Variants in RPH3A observed in about 807,000 individuals in gnomAD.
RPH3A encodes rabphilin 3A, also known as rabphilin-3A.
In RPH3A, 48 loss-of-function variants were observed where a neutral mutation model predicts 102.2. That is an observed-to-expected ratio of 0.47 (90% CI 0.37 to 0.60). The LOEUF (loss-of-function observed/expected upper bound fraction) is 0.60, where lower values mean the gene tolerates loss of function less well. Ranked by LOEUF, RPH3A falls within the 20% of genes least tolerant of loss-of-function variation. The probability of loss-of-function intolerance (pLI) is 0.00; values close to 1 mark genes in which losing one functional copy is unlikely to be tolerated. For synonymous variants in RPH3A, 310 were observed against 324.3 expected (o/e 0.96, Z 0.47); for missense variants, 781 against 910.1 (o/e 0.86, Z 1.83).
In RPH3A at chr12:112,887,766, T is replaced by C; in HGVS notation, c.1437-31T>C. ...GTGGTGTCTTAATATTTGTTCCTGT[T>C]TCTCTCTCTACCCCCTTGTGTTGGT... On this transcript the variant is annotated intron_variant, in intron 16 of 21. Transcript: ENST00000389385. The C allele has an allele frequency of 1.9e-6, 3 of 1,607,992 alleles. 1 individual carries two copies. The South Asian group carries it at 3.3e-5, about 18-fold the overall frequency.
intron 1 of RPH3A, among the ~76,000 whole-genome samples, chr12:112,640,447 C>CT (rs1486705733): frequency 6.6e-6 from 1 of 150,706 alleles, no homozygotes; most frequent in South Asian, 2.1e-4. Flanking sequence ...ATTAATGATC[C>CT]CTCCTTTCAC....
At chr12:112,862,702 G>A (rs957589789) in intron 5 of RPH3A, among the ~76,000 whole-genome samples, 2 of 152,218 alleles carry the variant, frequency 1.3e-5, no homozygotes, top group Non-Finnish European at 2.9e-5. Flanking sequence ...CACAGCGGAG[G>A]CTCCAGAGCC....
chr12:112,895,745 C>A, intron 20 of RPH3A, 32 bp from the exon 21 acceptor site: 1 of 1,513,956 alleles, frequency 6.6e-7, no homozygotes, highest in Non-Finnish European at 9.2e-7. Flanking sequence ...TCAGAGGGCT[C>A]TTACCCACAT....
intron 1 of RPH3A, among the ~76,000 whole-genome samples, chr12:112,615,342 C>A (rs1387393647): frequency 2.6e-5 from 4 of 152,174 alleles, no homozygotes; most frequent in African/African-American, 9.7e-5. Context: ...GCACCACCTC[C>A]TTGGGGCCTC....
At chr12:112,702,189 T>G (rs1235858477) in intron 1 of RPH3A, among the ~76,000 whole-genome samples, 1 of 152,252 alleles carries the variant, frequency 6.6e-6, no homozygotes, top group Admixed American at 6.5e-5. Flanking sequence ...AGACATAAAC[T>G]ACATGAAGAC....
upstream of RPH3A, chr12:112,791,695 T>A (rs539655014): frequency 7.3e-5 from 11 of 151,586 alleles, no homozygotes; most frequent in African/African-American, 2.4e-4. Flanking sequence ...GCAGGCTTGG[T>A]TCCCGCTTGG....
chr12:112,869,640 A>C, intron 8 of RPH3A, 119 bp from the exon 9 acceptor site: 2 of 1,004,788 alleles, frequency 2.0e-6, no homozygotes, highest in Non-Finnish European at 3.0e-6. Flanking sequence ...AAAGACTTTT[A>C]ATTTTTAAAA....
intron 1 of RPH3A, among the ~76,000 whole-genome samples, chr12:112,671,239 A>G (rs2040127173): frequency 6.6e-6 from 1 of 152,206 alleles, no homozygotes; most frequent in South Asian, 2.1e-4. Context: ...ACCCAAAATG[A>G]GATAAAAGAT....
At chr12:112,600,330 A>T (rs1206924883) in intron 1 of RPH3A, among the ~76,000 whole-genome samples, 2 of 152,168 alleles carry the variant, frequency 1.3e-5, no homozygotes, top group Non-Finnish European at 2.9e-5. Flanking sequence ...CTGACTTAAA[A>T]ATGGTTCATT....
intron 1 of RPH3A, among the ~76,000 whole-genome samples, chr12:112,609,823 C>A (rs1210783315): frequency 6.6e-6 from 1 of 152,200 alleles, no homozygotes; most frequent in Admixed American, 6.5e-5. Context: ...AAAATCAACC[C>A]CAGCACAAGT....
At chr12:112,651,819 A>G (rs548679698) in intron 1 of RPH3A, 3 of 152,348 alleles carry the variant, frequency 2.0e-5, no homozygotes, top group Admixed American at 6.5e-5. Flanking sequence ...CCTCTTCTAC[A>G]TACCTCATGT....
intron 1 of RPH3A, among the ~76,000 whole-genome samples, chr12:112,677,447 T>C (rs963061193): frequency 8.5e-6 from 1 of 117,222 alleles, no homozygotes. Flanking sequence ...CCTTCCTTCC[T>C]TCCTTCCTTC....
intron 1 of RPH3A, among the ~76,000 whole-genome samples, chr12:112,642,461 C>T (rs1182473352): frequency 6.6e-6 from 1 of 152,190 alleles, no homozygotes; most frequent in African/African-American, 2.4e-5. Context: ...TTTGGAGACA[C>T]ACTTACACTA....
At chr12:112,858,655 G>A (rs1320089122) in intron 5 of RPH3A, among the ~76,000 whole-genome samples, 1 of 152,188 alleles carries the variant, frequency 6.6e-6, no homozygotes, top group East Asian at 1.9e-4. Flanking sequence ...AGCTCCATGA[G>A]GGCAGTGATC....
At chr12:112,896,603 G>T (rs752179245) in intron 21 of RPH3A, 47 bp from the exon 22 acceptor site, 2 of 1,608,472 alleles carry the variant, frequency 1.2e-6, no homozygotes, top group Admixed American at 1.7e-5. Flanking sequence ...GGTCTAGAAC[G>T]ACCTCTATTC....
At chr12:112,774,153 G>A (rs1269689681) in intron 1 of RPH3A, among the ~76,000 whole-genome samples, 1 of 151,374 alleles carries the variant, frequency 6.6e-6, no homozygotes. Flanking sequence ...AAAGGAACAA[G>A]CCATGCTGTG....
At chr12:112,686,656 C>G (rs1422381359) in intron 1 of RPH3A, among the ~76,000 whole-genome samples, 5 of 152,204 alleles carry the variant, frequency 3.3e-5, no homozygotes, top group Non-Finnish European at 5.9e-5. Flanking sequence ...CAGCCACCAG[C>G]CAATTCCCCA....
At chr12:112,692,346 A>T (rs1440451748) in intron 1 of RPH3A, among the ~76,000 whole-genome samples, 4 of 152,240 alleles carry the variant, frequency 2.6e-5, no homozygotes, top group African/African-American at 9.6e-5. Flanking sequence ...ATAAATGATA[A>T]ATCTTTGAAA....
chr12:112,660,615 T>G (rs1475637105), intron 1 of RPH3A, among the ~76,000 whole-genome samples: 1 of 152,124 alleles, frequency 6.6e-6, no homozygotes, highest in Non-Finnish European at 1.5e-5. Flanking sequence ...AGGCCAGCAG[T>G]TTGAGGCTAT....
Sources: gnomAD v4.1 joint callset for allele counts (sites outside exome capture counted in the v4.1 genomes callset) on GRCh38, gnomAD v4.1.1 for gene constraint, MANE v1.5 for transcripts, NCBI Gene and HGNC (gene_info 2026-07-23, HGNC 2026-07-21) for gene names.